MIB2: variants seen among roughly 807,000 people sequenced by gnomAD.
The protein encoded by MIB2 is MIB E3 ubiquitin protein ligase 2.
A neutral mutation model predicts 96.6 loss-of-function variants in MIB2; 78 were observed. That is an observed-to-expected ratio of 0.81 (90% CI 0.67 to 0.97). The LOEUF (loss-of-function observed/expected upper bound fraction) is 0.97. Ranked by LOEUF, MIB2 falls within the 50% of genes least tolerant of loss-of-function variation. The pLI is 0.00. For synonymous variants in MIB2, 820 were observed against 629.5 expected (o/e 1.30, Z -4.53); for missense variants, 1,543 against 1,424.0 (o/e 1.08, Z -1.35).
At chr1:1,615,751 G>T in intron 1 of MIB2, 118 bp downstream of exon 1, 2 of 1,455,366 alleles carry the variant, frequency 1.4e-6, no homozygotes, top group Non-Finnish European at 1.8e-6. Flanking sequence ...GCAGCCCCGG[G>T]CTGGACTCGG....
rs549132298 is a variant in MIB2, at chr1:1,626,388, G to A, written c.973-262G>A. ...ACAGCTTCCCAGGGCCAGCCACCTC[G>A]GCTTCACACCTGCCCAGAGCTGGCT... On this transcript the variant is annotated intron_variant, in intron 8 of 19. Coordinates refer to ENST00000355826, the MANE Select transcript of MIB2 (RefSeq NM_001170687.4). This position sits in a 1 kb window ranked among gnomAD's most constrained non-coding sequence, Gnocchi z 5.3. The A allele has an allele frequency of 3.4e-4, 170 of 494,530 alleles. 2 individuals are homozygous for A. In the Admixed American group the frequency reaches 4.4e-3, roughly 13 times the overall value. The allele number at this position is 494,530 out of a possible 1,614,324, so 30.6% of individuals were successfully genotyped here. A position where few individuals can be genotyped will look rare whatever the true frequency, so the allele number is the denominator to read the frequency against.
Position 1,625,629 on chromosome 1 carries a change from C to A in MIB2, c.948C>A (p.Thr316=). ...RVQFNHETRW[T]FHPGALTKHH... is the part of the protein sequence containing the mutation. The stretch of plus-strand genomic sequence containing the variant: ...AGTTCAACCACGAGACGCGCTGGAC[C>A]TTCCACCCCGGGGCGCTCACCAAGG... Residue 316 remains threonine (T), a synonymous_variant, in exon 8 of 20, where the codon ACC becomes ACA. Coordinates refer to ENST00000355826, the MANE Select transcript of MIB2 (RefSeq NM_001170687.4). This position sits in a 1 kb window ranked among gnomAD's most constrained non-coding sequence, Gnocchi z 5.0. The A allele has an allele frequency of 6.4e-7, 1 of 1,567,370 alleles. No individual in the cohort carries two copies.
Position 1,625,604 on chromosome 1 carries a change from A to G in MIB2, c.923A>G (p.Gln308Arg). Residue 308 changes from glutamine (Q) to arginine (R), a missense_variant, in exon 8 of 20, where the codon CAG becomes CGG. Gln to Arg is a conservative substitution (Grantham distance 43, BLOSUM62 1). Transcript: ENST00000355826. The surrounding 1 kb of genome is among the most constrained non-coding windows in gnomAD (Gnocchi z 5.0). Reference sequence around the variant, plus strand: ...ACGGACCGCGGGGACGTGCGCGTGCAGTTCAACCACGAGACGCGCTGGACC... The same window carrying G: ...ACGGACCGCGGGGACGTGCGCGTGCGGTTCAACCACGAGACGCGCTGGACC... ...RITDRGDVRVQFNHETRWTFH... is the reference protein window; with the variant it reads ...RITDRGDVRVRFNHETRWTFH... 2 of 1,581,320 alleles carry G rather than the reference A, an allele frequency of 1.3e-6. No homozygotes were observed. The highest frequency in any genetic ancestry group is 1.7e-6 in the Non-Finnish European group (2 of 1,164,330).
chr1:1,626,750 C>A lies in MIB2; in HGVS notation c.1073C>A (p.Ala358Asp). ...AGHGEWTDDMAPALGRVGKVV... is the reference protein window; with the variant it reads ...AGHGEWTDDMDPALGRVGKVV... ...CATGGCGAGTGGACGGACGACATGG[C>A]CCCTGTGAGTCCCCCTGCCACCCCC... The change falls in exon 9 of 20, where the codon GCC becomes GAC. Residue 358 changes from alanine (A) to aspartate (D), a missense_variant. Ala to Asp is a moderately radical substitution (Grantham distance 126). Transcript: ENST00000355826. This position sits in a 1 kb window ranked among gnomAD's most constrained non-coding sequence, Gnocchi z 5.3. 2 of 1,588,356 alleles carry A rather than the reference C, an allele frequency of 1.3e-6. No individual in the cohort carries two copies. Among genetic ancestry groups the A allele is most frequent in the Non-Finnish European group, 1.7e-6 (2 of 1,169,624 alleles).
intron 1 of MIB2, chr1:1,615,946 C>T (rs1643598400): frequency 5.1e-6 from 5 of 988,742 alleles, no homozygotes; most frequent in Non-Finnish European, 6.0e-6. Context: ...CGGCGCGCGG[C>T]AGGCGCTCTG....
intron 2 of MIB2, chr1:1,623,095 T>G: frequency 2.2e-6 from 1 of 459,074 alleles, no homozygotes; most frequent in Non-Finnish European, 3.9e-6. Context: ...AGCTCATTAA[T>G]TGGCTGTGGG....
Position 1,627,171 on chromosome 1 carries a change from C to A in MIB2, c.1338C>A (p.Ala446=). 1 of 1,591,718 alleles carries A rather than the reference C, an allele frequency of 6.3e-7. No homozygotes were observed. Among genetic ancestry groups the A allele is most frequent in the East Asian group, 2.3e-5 (1 of 43,574 alleles). ...LVVEVALGNA[A]RALDLLRRRP... is the part of the protein sequence containing the mutation. Reference sequence around the variant, plus strand: ...TGGAGGTGGCGCTGGGTAACGCAGCCCGGGCTCTGGACCTGCTGCGGAGGC... The same window carrying A: ...TGGAGGTGGCGCTGGGTAACGCAGCACGGGCTCTGGACCTGCTGCGGAGGC... The change falls in exon 11 of 20, where the codon GCC becomes GCA. Residue 446 remains alanine (A), a synonymous_variant. Coordinates refer to ENST00000355826, the MANE Select transcript of MIB2 (RefSeq NM_001170687.4).
chr1:1,630,500 C>T lies in MIB2; in HGVS notation c.2838C>T (p.Pro946=), dbSNP rs768172591. The part of the protein sequence containing the change: ...ALSACPICRQ[P]IRDRIQIFV Reference sequence around the variant, plus strand: ...GCGCCTGCCCCATCTGCCGCCAGCCCATCCGCGACCGCATCCAGATCTTCG... The same window carrying T: ...GCGCCTGCCCCATCTGCCGCCAGCCTATCCGCGACCGCATCCAGATCTTCG... Residue 946 remains proline, a synonymous_variant, in exon 20 of 20, where the codon CCC becomes CCT. Coordinates refer to ENST00000355826, the MANE Select transcript of MIB2 (RefSeq NM_001170687.4). 6.9e-6 allele frequency: 11 copies of T among 1,592,162 alleles called. No homozygotes were observed. In the South Asian group the frequency reaches 1.1e-4, roughly 16 times the overall value.
At position 1,623,847 on chromosome 1, in the gene MIB2, T is replaced by C. The variant is rs28414017; in HGVS notation, c.321T>C (p.Arg107=). ...TGCGGGGGATGCGCTGGAAGTGCCG[T>C]GTGTGCCTGGACTACGACCTCTGCA... ...HGLRGMRWKC[R]VCLDYDLCTQ... Residue 107 remains arginine (R), a synonymous_variant, in exon 4 of 20, where the codon CGT becomes CGC. Transcript: ENST00000355826. The C allele has an allele frequency of 5.3e-3, 8,591 of 1,611,270 alleles. 408 individuals are homozygous for C. The African/African-American group carries it at 0.099, about 18-fold the overall frequency.
intron 2 of MIB2, among the ~76,000 whole-genome samples, chr1:1,621,267 G>T (rs145344387): frequency 6.6e-5 from 10 of 152,320 alleles, no homozygotes; most frequent in South Asian, 6.2e-4. Flanking sequence ...TCCTGGCTCC[G>T]CGGGGCCTCC....
rs535869834 is a variant in MIB2 at position 1,625,069 on chromosome 1, C to T, written c.605C>T (p.Thr202Met). ...ACAGGCCGGAGTGTGGCCAGCGTGA[C>T]GTGGGCTGATGGTACCACCAATGTG... ...VETGRSVASV[T>M]WADGTTNVYR... The change falls in exon 6 of 20, where the codon ACG (threonine) becomes ATG (methionine). Residue 202 changes from threonine to methionine, a missense_variant. Transcript: ENST00000355826. The surrounding 1 kb of genome is among the most constrained non-coding windows in gnomAD (Gnocchi z 5.0). 1.8e-5 allele frequency: 29 copies of T among 1,613,236 alleles called. No homozygotes were observed. Among genetic ancestry groups the T allele is most frequent in the African/African-American group, 1.3e-4 (10 of 75,042 alleles).
At chr1:1,618,376 G>A in intron 2 of MIB2, 1 of 152,608 alleles carries the variant, frequency 6.6e-6, no homozygotes, top group Non-Finnish European at 1.5e-5. Flanking sequence ...GGTCCAGGGT[G>A]GAGGCAGAGG....
At chr1:1,615,377 C>A, upstream of MIB2, 1 of 1,423,858 alleles carries the variant, frequency 7.0e-7, no homozygotes, top group South Asian at 1.5e-5. Flanking sequence ...CTAGCTGCGC[C>A]ACGCAGGGTA....
At chr1:1,624,693 TG>T in intron 4 of MIB2, 101 bp from the exon 5 acceptor site, 1 of 1,117,990 alleles carries the variant, frequency 8.9e-7, no homozygotes, top group Non-Finnish European at 1.3e-6. Flanking sequence ...GCAGGCTGGG[TG>T]GACAGGGGGC....
At position 1,628,121 on chromosome 1, in the gene MIB2, G is replaced by T; in HGVS notation, c.1783G>T (p.Ala595Ser). 1 of 1,613,362 alleles carries T rather than the reference G, an allele frequency of 6.2e-7. No individual in the cohort carries two copies. Among genetic ancestry groups the T allele is most frequent in the South Asian group, 1.1e-5 (1 of 91,082 alleles). ...GGAGGTGCCAAACATCGATGTTACCGCCACCAACAGCCAGGGTTTCACCCT... is the reference window on the plus strand; with the variant it reads ...GGAGGTGCCAAACATCGATGTTACCTCCACCAACAGCCAGGGTTTCACCCT... ...LTEVPNIDVT[A>S]TNSQGFTLLH... The change falls in exon 14 of 20, where the codon GCC becomes TCC. Residue 595 changes from alanine (A) to serine (S), a missense_variant. Transcript: ENST00000355826.
chr1:1,616,454 G>A (rs2100290157), intron 1 of MIB2, 54 bp from the exon 2 acceptor site: 1 of 1,316,664 alleles, frequency 7.6e-7, no homozygotes, highest in Non-Finnish European at 1.0e-6. Flanking sequence ...ACAGGCGACC[G>A]AGCCGCGGGT....
At chr1:1,614,018 A>G (rs1643393516), upstream of MIB2, 1 of 152,260 alleles carries the variant, frequency 6.6e-6, no homozygotes, top group Non-Finnish European at 1.5e-5. Context: ...ATGGGTTAGT[A>G]AAAAGCTAGA....
rs754817593 is a variant in MIB2 at position 1,623,965 on chromosome 1, G to A, written c.419+20G>A. Reference sequence around the variant, plus strand: ...GCGCCCGTGAGTCCCGGGCCGCACCGGCTCCTGTGCGGCGGGTACCCAGGC... The same window carrying A: ...GCGCCCGTGAGTCCCGGGCCGCACCAGCTCCTGTGCGGCGGGTACCCAGGC... On this transcript the variant is annotated intron_variant, in intron 4 of 19. Transcript: ENST00000355826. 54 of 1,592,232 alleles carry A rather than the reference G, an allele frequency of 3.4e-5. No homozygotes were observed. Among genetic ancestry groups the A allele is most frequent in the Middle Eastern group, 1.7e-4 (1 of 6,004 alleles).
chr1:1,623,253 G>C, intron 2 of MIB2, 178 bp from the exon 3 acceptor site: 2 of 1,095,372 alleles, frequency 1.8e-6, no homozygotes, highest in East Asian at 3.0e-5. Context: ...GGCCTCCCTG[G>C]TGCCAGACTG....
Sources: gnomAD v4.1 joint callset for allele counts (sites outside exome capture counted in the v4.1 genomes callset) on GRCh38, gnomAD v4.1.1 for gene constraint, Gnocchi (gnomAD v3.1) non-coding constraint, MANE v1.5 for transcripts, NCBI Gene and HGNC (gene_info 2026-07-23, HGNC 2026-07-21) for gene names.